CARMIL3: variants seen among roughly 807,000 people sequenced by gnomAD.
CARMIL3 encodes the protein capping protein, Arp2/3 and myosin-I linker protein 3.
A neutral mutation model predicts 180.8 loss-of-function variants in CARMIL3; 88 were observed. That is an observed-to-expected ratio of 0.49 (90% CI 0.41 to 0.58). The LOEUF (loss-of-function observed/expected upper bound fraction) is 0.58. Among genes scored for constraint, CARMIL3 ranks in the 20% least tolerant of loss-of-function variants. The pLI is 0.00. For missense variants in CARMIL3, 1,548 were observed against 1,787.0 expected (o/e 0.87, Z 2.41); for synonymous variants, 696 against 714.5 (o/e 0.97, Z 0.41).
At chr14:24,069,318 A>G in intron 39 of CARMIL3, 61 bp from the exon 40 acceptor site, 2 of 1,613,736 alleles carry the variant, frequency 1.2e-6, no homozygotes, top group South Asian at 1.1e-5. Context: ...CGAAGCCCCA[A>G]CACCAGGTGG....
At chr14:24,052,528 C>G (rs557656249) in intron 1 of CARMIL3, among the ~76,000 whole-genome samples, 3 of 152,316 alleles carry the variant, frequency 2.0e-5, no homozygotes, top group Admixed American at 1.3e-4. Flanking sequence ...GGAGAGTCCC[C>G]GCTTCCCCGC....
At chr14:24,068,184 G>A (rs1280086405) in intron 36 of CARMIL3, among the ~76,000 whole-genome samples, 1 of 152,200 alleles carries the variant, frequency 6.6e-6, no homozygotes, top group Non-Finnish European at 1.5e-5. Flanking sequence ...GGATCACTAG[G>A]TCAAGAGATC....
chr14:24,066,679 C>T, intron 36 of CARMIL3, 23 bp downstream of exon 36: 9 of 1,611,220 alleles, frequency 5.6e-6, no homozygotes, highest in Non-Finnish European at 6.8e-6. Flanking sequence ...TCTTTTCAGG[C>T]AGCAGTACTG....
rs761245497 is a variant in CARMIL3, at chr14:24,064,364, A to C, written c.3080+18A>C. 2 of 1,577,832 alleles carry C rather than the reference A, an allele frequency of 1.3e-6. No homozygotes were observed. The highest frequency in any genetic ancestry group is 1.3e-5 in the African/African-American group (1 of 74,112). ...AGTTCTAGGTGTGATGCCTAAACAC[A>C]CTCCCATTTTCAGCAGGCCCCAAGG... On this transcript the variant is annotated intron_variant, in intron 32 of 39. Coordinates refer to ENST00000342740, the MANE Select transcript of CARMIL3 (RefSeq NM_138360.4).
At position 24,059,074 on chromosome 14, in the gene CARMIL3, C is replaced by T; in HGVS notation, c.1572-61C>T. The stretch of plus-strand genomic sequence containing the variant: ...CCGTATTACCTCTGGCCACCTCTCT[C>T]CTCCTCCAATAGCATGACCCCAGCC... On this transcript the variant is annotated intron_variant, in intron 19 of 39. Transcript: ENST00000342740. The surrounding 1 kb of genome is among the most constrained non-coding windows in gnomAD (Gnocchi z 6.3). 6.3e-7 allele frequency: 1 copy of T among 1,587,164 alleles called. No individual in the cohort carries two copies. Among genetic ancestry groups the T allele is most frequent in the Admixed American group, 1.8e-5 (1 of 55,766 alleles).
rs1426265653 is a variant in CARMIL3, at chr14:24,056,715, G to A, written c.952+7G>A. ...ACTGCCATTTCCCCTCGAGGTACTC[G>A]CACCAAGGACCCCTGACCTCTGACC... On this transcript the variant is annotated splice_region_variant and intron_variant, in intron 12 of 39. Coordinates refer to ENST00000342740, the MANE Select transcript of CARMIL3 (RefSeq NM_138360.4). The A allele has an allele frequency of 3.7e-6, 6 of 1,611,690 alleles. No homozygotes were observed. The highest frequency in any genetic ancestry group is 1.7e-5 in the Admixed American group (1 of 59,994).
intron 36 of CARMIL3, among the ~76,000 whole-genome samples, chr14:24,068,340 T>C (rs2035812040): frequency 6.9e-6 from 1 of 145,920 alleles, no homozygotes; most frequent in Admixed American, 7.1e-5. Context: ...GAGGTTGCAG[T>C]GAGCCAAGAT....
Position 24,054,565 on chromosome 14 carries a change from C to G in CARMIL3, c.362+54C>G. On this transcript the variant is annotated intron_variant, in intron 5 of 39. Coordinates refer to ENST00000342740, the MANE Select transcript of CARMIL3 (RefSeq NM_138360.4). This position sits in a 1 kb window ranked among gnomAD's most constrained non-coding sequence, Gnocchi z 5.1. ...GCATTAGATGAGAGGGAGAGTTCATCCCTTCCTCCTTCCCCTGGGCCAGGG... is the reference window on the plus strand; with the variant it reads ...GCATTAGATGAGAGGGAGAGTTCATGCCTTCCTCCTTCCCCTGGGCCAGGG... 3 of 1,564,178 alleles carry G rather than the reference C, an allele frequency of 1.9e-6. No individual in the cohort carries two copies. Among genetic ancestry groups the G allele is most frequent in the Non-Finnish European group, 2.6e-6 (3 of 1,139,986 alleles).
In CARMIL3 at chr14:24,058,244, C is replaced by T. The variant is rs1004182310; in HGVS notation, c.1392+20C>T. 1.9e-6 allele frequency: 3 copies of T among 1,608,792 alleles called. No individual in the cohort carries two copies. Among genetic ancestry groups the T allele is most frequent in the Non-Finnish European group, 1.7e-6 (2 of 1,177,736 alleles). On this transcript the variant is annotated intron_variant, in intron 17 of 39. Coordinates refer to ENST00000342740, the MANE Select transcript of CARMIL3 (RefSeq NM_138360.4). This position sits in a 1 kb window ranked among gnomAD's most constrained non-coding sequence, Gnocchi z 6.4. ...TGCGAGGTGAGCCCTCAGTCCCCAACCCCTCTGCCCGCCTCCGATCCATGT... is the reference window on the plus strand; with the variant it reads ...TGCGAGGTGAGCCCTCAGTCCCCAATCCCTCTGCCCGCCTCCGATCCATGT...
chr14:24,057,540 T>C (rs1379516259), intron 14 of CARMIL3, among the ~76,000 whole-genome samples: 1 of 151,866 alleles, frequency 6.6e-6, no homozygotes, highest in Admixed American at 6.6e-5. Flanking sequence ...ACCTTAGGAG[T>C]CAGTGGTGGC....
intron 10 of CARMIL3, 100 bp downstream of exon 10, chr14:24,055,889 A>C: frequency 2.7e-6 from 3 of 1,112,386 alleles, no homozygotes; most frequent in Non-Finnish European, 4.0e-6. Flanking sequence ...TATCTTATCC[A>C]GTGCCTCTCT....
chr14:24,057,861 G>C lies in CARMIL3; in HGVS notation c.1199G>C (p.Arg400Pro). The stretch of plus-strand genomic sequence containing the variant: ...CACCTCACCTACCTCAACCTGGCTC[G>C]CAACAGCTGCTCCCACAGGTGGGAG... ...CSHLTYLNLA[R>P]NSCSHRKGRE... The change falls in exon 15 of 40, where the codon CGC becomes CCC. Residue 400 changes from arginine (R) to proline (P), a missense_variant. Coordinates refer to ENST00000342740, the MANE Select transcript of CARMIL3 (RefSeq NM_138360.4). 1 of 1,612,218 alleles carries C rather than the reference G, an allele frequency of 6.2e-7. No homozygotes were observed. Among genetic ancestry groups the C allele is most frequent in the Non-Finnish European group, 8.5e-7 (1 of 1,179,850 alleles).
At position 24,057,033 on chromosome 14, in the gene CARMIL3, T is replaced by C. The variant is rs1171680122; in HGVS notation, c.1062+9T>C. Reference sequence around the variant, plus strand: ...CCACGGATGAGGCCAATGTGAGTCCTCAGAACAGCCTCAGCCCCCTGCAGA... The same window carrying C: ...CCACGGATGAGGCCAATGTGAGTCCCCAGAACAGCCTCAGCCCCCTGCAGA... On this transcript the variant is annotated intron_variant, in intron 13 of 39. Coordinates refer to ENST00000342740, the MANE Select transcript of CARMIL3 (RefSeq NM_138360.4). 1.2e-6 allele frequency: 2 copies of C among 1,611,504 alleles called. No homozygotes were observed. Among genetic ancestry groups the C allele is most frequent in the Admixed American group, 1.7e-5 (1 of 59,722 alleles).
chr14:24,063,019 C>G, intron 29 of CARMIL3, 101 bp from the exon 30 acceptor site: 1 of 1,553,716 alleles, frequency 6.4e-7, no homozygotes, highest in Non-Finnish European at 8.8e-7. Flanking sequence ...GCCTCAGCCC[C>G]CTGAGGAGCG....
rs1448091195 is a variant in CARMIL3 at position 24,057,944 on chromosome 14, A to T, written c.1218-16A>T. 3 of 1,613,164 alleles carry T rather than the reference A, an allele frequency of 1.9e-6. No individual in the cohort carries two copies. The highest frequency in any genetic ancestry group is 2.2e-5 in the East Asian group (1 of 44,866). ...GCCAACCCCCTCCCTCGCTGACCCC[A>T]GGGGTCTCTCCACAGGAAGGGTCGA... is the stretch of plus-strand genomic sequence containing the variant. On this transcript the variant is annotated splice_polypyrimidine_tract_variant and intron_variant, in intron 15 of 39. Coordinates refer to ENST00000342740, the MANE Select transcript of CARMIL3 (RefSeq NM_138360.4).
rs374199118 is a variant in CARMIL3, at chr14:24,066,556, C to G, written c.3593-11C>G. 1 of 1,614,104 alleles carries G rather than the reference C, an allele frequency of 6.2e-7. No homozygotes were observed. The highest frequency in any genetic ancestry group is 1.1e-5 in the South Asian group (1 of 91,078). ...TTCTCCTCTCTTTCTCATCCCCTCTCTCTACTCCAGGGCCTGGATCCTGGA... is the reference window on the plus strand; with the variant it reads ...TTCTCCTCTCTTTCTCATCCCCTCTGTCTACTCCAGGGCCTGGATCCTGGA... On this transcript the variant is annotated splice_polypyrimidine_tract_variant and intron_variant, in intron 35 of 39. Coordinates refer to ENST00000342740, the MANE Select transcript of CARMIL3 (RefSeq NM_138360.4).
In CARMIL3 at chr14:24,065,182, A is replaced by G. The variant is rs778354471; in HGVS notation, c.3305A>G (p.Asn1102Ser). 2.1e-5 allele frequency: 29 copies of G among 1,389,982 alleles called. No individual in the cohort carries two copies. In the Admixed American group the frequency reaches 6.5e-4, roughly 31 times the overall value. The allele number at this position is 1,389,982 out of a possible 1,614,324, so 86.1% of individuals were successfully genotyped here. Residue 1102 changes from asparagine to serine, a missense_variant, in exon 33 of 40, where the codon AAT becomes AGT. By Grantham distance (46) the Asn-to-Ser change is conservative (BLOSUM62 1). Around this residue, in one of 4 missense-constraint regions of CARMIL3, gnomAD observed 668 missense variants for 687.8 expected, o/e 0.97. Coordinates refer to ENST00000342740, the MANE Select transcript of CARMIL3 (RefSeq NM_138360.4). Reference sequence around the variant, plus strand: ...AGCCCAGACCCCCCAAGCCTCGGCAATAACTCCTCTCCCTGCTGGAGCCCA... The same window carrying G: ...AGCCCAGACCCCCCAAGCCTCGGCAGTAACTCCTCTCCCTGCTGGAGCCCA... ...PPSPDPPSLG[N>S]NSSPCWSPEE...
chr14:24,063,580 C>G (rs745661257), intron 31 of CARMIL3, 47 bp downstream of exon 31: 47 of 1,542,440 alleles, frequency 3.0e-5, no homozygotes, highest in Non-Finnish European at 4.0e-5. Context: ...CTCAGTGACA[C>G]CAGAGCCAGG....
At position 24,060,960 on chromosome 14, in the gene CARMIL3, C is replaced by A; in HGVS notation, c.2224C>A (p.Leu742Met). ...CAGCCTCTATGAGCTGGGCCACGTGCTGGCCAATGATGGGCCTGTGCGGCA... is the reference window on the plus strand; with the variant it reads ...CAGCCTCTATGAGCTGGGCCACGTGATGGCCAATGATGGGCCTGTGCGGCA... ...FPSLYELGHV[L>M]ANDGPVRQRL... is the part of the protein sequence containing the mutation. Residue 742 changes from leucine (L) to methionine (M), a missense_variant, in exon 26 of 40, where the codon CTG becomes ATG. Physicochemically the swap from Leu to Met is conservative, Grantham distance 15. Coordinates refer to ENST00000342740, the MANE Select transcript of CARMIL3 (RefSeq NM_138360.4). The A allele has an allele frequency of 6.4e-6, 10 of 1,551,740 alleles. No individual in the cohort carries two copies. In the South Asian group the frequency reaches 1.2e-4, roughly 18 times the overall value.
Sources: gnomAD v4.1 joint callset for allele counts (sites outside exome capture counted in the v4.1 genomes callset) on GRCh38, gnomAD v4.1.1 for gene constraint, gnomAD v4.1.1 regional missense constraint, Gnocchi (gnomAD v3.1) non-coding constraint, MANE v1.5 for transcripts, NCBI Gene and HGNC (gene_info 2026-07-23, HGNC 2026-07-21) for gene names.